Variants in POM121C observed in about 807,000 individuals in gnomAD.
POM121C encodes the protein nuclear envelope pore membrane protein POM 121C.
In POM121C, 20 loss-of-function variants were observed where a neutral mutation model predicts 66.4. The ratio of observed to expected loss-of-function variants is 0.30; its 90% confidence interval spans 0.21 to 0.44. POM121C has a LOEUF of 0.44. Among genes scored for constraint, POM121C ranks in the 20% least tolerant of loss-of-function variants. The pLI is 1.00. For synonymous variants in POM121C, 286 were observed against 528.0 expected (o/e 0.54, Z 6.28); for missense variants, 580 against 1,225.7 (o/e 0.47, Z 7.87).
intron 1 of POM121C, among the ~76,000 whole-genome samples, chr7:75,476,824 C>T (rs1792098024): frequency 6.6e-6 from 1 of 151,960 alleles, no homozygotes; most frequent in Non-Finnish European, 1.5e-5. Flanking sequence ...AGGACTTATT[C>T]CAACAATATA....
chr7:75,476,709 A>G (rs1792092836), intron 1 of POM121C, among the ~76,000 whole-genome samples: 1 of 152,212 alleles, frequency 6.6e-6, no homozygotes, highest in African/African-American at 2.4e-5. Context: ...TAAATAACAT[A>G]AAATTACATG....
Position 75,450,754 on chromosome 7 carries a change from G to C in POM121C, c.-151-9107C>G, listed in dbSNP as rs782496673. ...CTACAGCCTTCAATGATTAAAAACA[G>C]ACACACTCACAAATACATAGCAAAT... On this transcript the variant is annotated intron_variant, in intron 3 of 14. Coordinates refer to ENST00000615331, the MANE Select transcript of POM121C (RefSeq NM_001099415.3). Among the ~76,000 whole-genome samples, 3 of 152,222 alleles carry C rather than the reference G, an allele frequency of 2.0e-5. No individual in the cohort carries two copies. The East Asian group carries it at 5.8e-4, about 29-fold the overall frequency.
chr7:75,429,599 C>A (rs1233720168), intron 7 of POM121C, among the ~76,000 whole-genome samples: 1 of 152,090 alleles, frequency 6.6e-6, no homozygotes, highest in African/African-American at 2.4e-5. Context: ...CCACTGCACT[C>A]CAGCCTGGGC....
Position 75,448,502 on chromosome 7 carries a change from G to GAAA in POM121C, c.-151-6858_-151-6856dup, listed in dbSNP as rs61223131. ...AAGCTCCCATCACCCAACAGAAACA[G>GAAA]AAAAAAAAAAAAAAAAAGGCCAGGC... On this transcript the variant is annotated intron_variant, in intron 3 of 14. Transcript: ENST00000615331. 6.7e-4 allele frequency among the ~76,000 whole-genome samples: 53 copies of GAAA among 78,998 alleles called. 1 individual carries two copies. The highest frequency in any genetic ancestry group is 3.0e-3 in the African/African-American group (48 of 16,000). 51.8% of individuals were successfully genotyped at this position (78,998 alleles called of 152,430 possible). A position where few individuals can be genotyped will look rare whatever the true frequency, so the allele number is the denominator to read the frequency against.
At chr7:75,465,343 T>A (rs587640446) in intron 3 of POM121C, among the ~76,000 whole-genome samples, 30 of 150,412 alleles carry the variant, frequency 2.0e-4, no homozygotes, top group Non-Finnish European at 3.5e-4. Context: ...TGGTGGCTCA[T>A]GCCTATAATC....
chr7:75,459,977 T>C (rs1419342440), intron 3 of POM121C, among the ~76,000 whole-genome samples: 5 of 129,952 alleles, frequency 3.8e-5, no homozygotes, highest in African/African-American at 1.5e-4. Flanking sequence ...TATACAAAAA[T>C]ATATACTAAA....
At chr7:75,464,077 C>CA (rs1229814021) in intron 3 of POM121C, among the ~76,000 whole-genome samples, 8 of 128,148 alleles carry the variant, frequency 6.2e-5, no homozygotes, top group South Asian at 2.6e-4. Context: ...CTCCAATTTT[C>CA]AAAAAAAAAT....
intron 1 of POM121C, among the ~76,000 whole-genome samples, chr7:75,475,797 A>G (rs1270919649): frequency 1.3e-5 from 2 of 152,108 alleles, no homozygotes; most frequent in Non-Finnish European, 2.9e-5. Context: ...AGAGTAATGC[A>G]GACAAGGTGC....
At chr7:75,420,165 C>T (rs1473212419) in intron 13 of POM121C, 1 of 152,284 alleles carries the variant, frequency 6.6e-6, no homozygotes, top group Non-Finnish European at 1.5e-5. Context: ...CTCACGGTGA[C>T]TTCGCCCTGT....
chr7:75,444,261 G>T (rs1563146554), intron 3 of POM121C, among the ~76,000 whole-genome samples: 5 of 107,846 alleles, frequency 4.6e-5, no homozygotes, highest in South Asian at 7.4e-4. Flanking sequence ...AAAAAAAGGG[G>T]GGGGGGGGCG....
At chr7:75,441,218 C>T (rs1584674148) in intron 4 of POM121C, 103 bp from the exon 5 acceptor site, 1 of 1,522,848 alleles carries the variant, frequency 6.6e-7, no homozygotes, top group Non-Finnish European at 8.9e-7. Flanking sequence ...ATAATTTATA[C>T]ACTCACAACA....
At chr7:75,457,976 A>T (rs1284815793) in intron 3 of POM121C, among the ~76,000 whole-genome samples, 1 of 152,300 alleles carries the variant, frequency 6.6e-6, no homozygotes, top group African/African-American at 2.4e-5. Context: ...ACTTGGAAGA[A>T]GGCCAAACCC....
At chr7:75,483,442 C>T (rs1180121751) in intron 1 of POM121C, among the ~76,000 whole-genome samples, 10 of 152,274 alleles carry the variant, frequency 6.6e-5, no homozygotes, top group Admixed American at 5.2e-4. Flanking sequence ...CCCTCTTCCT[C>T]CTGCTCTGGT....
In POM121C at chr7:75,440,284, T is replaced by G. The variant is rs587734467; in HGVS notation, c.227+670A>C. ...AGCACAATTAAGACACTAGAACTGGTGGGCCGGGCGCCATGGCTCAAGCCT... is the reference window on the plus strand; with the variant it reads ...AGCACAATTAAGACACTAGAACTGGGGGGCCGGGCGCCATGGCTCAAGCCT... On this transcript the variant is annotated intron_variant, in intron 5 of 14. Transcript: ENST00000615331. Among the ~76,000 whole-genome samples, 31 of 151,726 alleles carry G rather than the reference T, an allele frequency of 2.0e-4. 1 individual carries two copies. The South Asian group carries it at 6.0e-3, about 30-fold the overall frequency.
At chr7:75,435,360 T>C (rs1287778425) in intron 7 of POM121C, among the ~76,000 whole-genome samples, 1 of 152,142 alleles carries the variant, frequency 6.6e-6, no homozygotes, top group Non-Finnish European at 1.5e-5. Context: ...GCATACCGTT[T>C]AAAAAAGAAC....
At chr7:75,431,560 G>GCCA (rs1554472350) in intron 7 of POM121C, among the ~76,000 whole-genome samples, 1 of 132,926 alleles carries the variant, frequency 7.5e-6, no homozygotes, top group African/African-American at 2.8e-5. Context: ...CCAAGATTGT[G>GCCA]CCATTGCATT....
chr7:75,448,752 A>G (rs1311543441), intron 3 of POM121C, among the ~76,000 whole-genome samples: 1 of 148,640 alleles, frequency 6.7e-6, no homozygotes, highest in Non-Finnish European at 1.5e-5. Context: ...GTGAGCCGAG[A>G]TGGCGCCACT....
Position 75,437,961 on chromosome 7 carries a change from A to C in POM121C, c.309-275T>G, listed in dbSNP as rs1790478374. ...AGTGGATGCCTGGGGACACGGGTGGAACTAAAGAGAGGGATTACAGGCATG... is the reference window on the plus strand; with the variant it reads ...AGTGGATGCCTGGGGACACGGGTGGCACTAAAGAGAGGGATTACAGGCATG... On this transcript the variant is annotated intron_variant, in intron 6 of 14. Transcript: ENST00000615331. 2.0e-5 allele frequency among the ~76,000 whole-genome samples: 3 copies of C among 152,160 alleles called. 1 individual carries two copies. The South Asian group carries it at 6.2e-4, about 32-fold the overall frequency.
At chr7:75,442,124 G>A in intron 3 of POM121C, 1 of 1,367,348 alleles carries the variant, frequency 7.3e-7, no homozygotes, top group Non-Finnish European at 9.4e-7. Flanking sequence ...AGGATGATCT[G>A]GGAAAATCAG....
Sources: allele counts gnomAD v4.1 joint callset (sites outside exome capture counted in the v4.1 genomes callset), GRCh38; gene constraint gnomAD v4.1.1; transcripts MANE v1.5; gene names NCBI Gene and HGNC (gene_info 2026-07-23, HGNC 2026-07-21).